Variants in ANO1 observed in about 807,000 individuals in gnomAD.
ANO1 encodes the protein anoctamin 1, also known as anoctamin-1.
ANO1 carries 59 observed loss-of-function variants against 124.0 expected under a neutral mutation model. The ratio of observed to expected loss-of-function variants is 0.48; its 90% CI spans 0.39 to 0.59. ANO1 has a LOEUF of 0.59. ANO1 is among the 20% of genes least tolerant of loss of function. The pLI is 0.00. For synonymous variants in ANO1, 529 were observed against 532.0 expected (o/e 0.99, Z 0.08); for missense variants, 1,059 against 1,328.0 (o/e 0.80, Z 3.15).
intron 1 of ANO1, among the ~76,000 whole-genome samples, chr11:70,030,876 C>T (rs1856988593): frequency 6.6e-6 from 1 of 151,840 alleles, no homozygotes; most frequent in Non-Finnish European, 1.5e-5. Flanking sequence ...AGAGAAACAC[C>T]CCCCGTTTTA....
intron 11 of ANO1, among the ~76,000 whole-genome samples, chr11:70,139,065 G>A (rs76866478): frequency 1.6e-3 from 237 of 152,304 alleles, no homozygotes; most frequent in African/African-American, 5.4e-3. Flanking sequence ...CGTTTAGTCC[G>A]CTTAGGATAA....
chr11:69,978,062 C>G, the ANO1 span, among the ~76,000 whole-genome samples: 1 of 152,074 alleles, frequency 6.6e-6, no homozygotes, highest in African/African-American at 2.4e-5. Context: ...TGTTTTCTTT[C>G]CCTGGGAACT....
chr11:70,161,754 T>C, intron 18 of ANO1, 21 bp downstream of exon 18: 5 of 1,610,260 alleles, frequency 3.1e-6, no homozygotes, highest in Non-Finnish European at 4.2e-6. Flanking sequence ...CTTCAGCCTT[T>C]CCCCAACCTC....
At chr11:70,058,922 G>T (rs191578211) in intron 1 of ANO1, among the ~76,000 whole-genome samples, 1 of 152,004 alleles carries the variant, frequency 6.6e-6, no homozygotes, top group East Asian at 1.9e-4. Context: ...GGTGGCTCAC[G>T]CCTGTAATCC....
At chr11:70,053,754 T>G (rs1316677973) in intron 1 of ANO1, among the ~76,000 whole-genome samples, 1 of 152,230 alleles carries the variant, frequency 6.6e-6, no homozygotes, top group African/African-American at 2.4e-5. Flanking sequence ...TCTGGAAGAT[T>G]GGTGTTATTT....
intron 22 of ANO1, among the ~76,000 whole-genome samples, chr11:70,177,993 G>A (rs1045409355): frequency 6.6e-6 from 1 of 152,240 alleles, no homozygotes; most frequent in Non-Finnish European, 1.5e-5. Context: ...CTGCCTGGAT[G>A]GGGCCTGCCT....
chr11:70,047,096 AAG>A, intron 1 of ANO1, among the ~76,000 whole-genome samples: 1 of 151,456 alleles, frequency 6.6e-6, no homozygotes, highest in East Asian at 1.9e-4. Context: ...AAAAAAAAAA[AAG>A]AAAAAGAAAG....
At chr11:70,156,290 C>A (rs768677267) in intron 15 of ANO1, among the ~76,000 whole-genome samples, 3 of 152,060 alleles carry the variant, frequency 2.0e-5, no homozygotes, top group Non-Finnish European at 4.4e-5. Context: ...TGCCACCCAC[C>A]CCAGAACGAG....
intron 1 of ANO1, among the ~76,000 whole-genome samples, chr11:70,058,520 G>A (rs563500102): frequency 3.9e-5 from 6 of 152,306 alleles, no homozygotes; most frequent in African/African-American, 7.2e-5. Flanking sequence ...GAGAAGCTAC[G>A]GAAGGTTGTG....
intron 1 of ANO1, among the ~76,000 whole-genome samples, chr11:69,995,680 C>T (rs974543206): frequency 7.2e-5 from 11 of 152,122 alleles, no homozygotes; most frequent in Admixed American, 3.3e-4. Flanking sequence ...GGAAGACCAC[C>T]GAGGTAAAGA....
intron 11 of ANO1, among the ~76,000 whole-genome samples, chr11:70,133,814 A>G (rs2046852387): frequency 6.6e-6 from 1 of 152,182 alleles, no homozygotes; most frequent in Non-Finnish European, 1.5e-5. Flanking sequence ...TGTGCACAGC[A>G]GAGCCGAGGT....
chr11:70,047,326 A>G (rs1555005786), intron 1 of ANO1, among the ~76,000 whole-genome samples: 1 of 152,166 alleles, frequency 6.6e-6, no homozygotes, highest in South Asian at 2.1e-4. Flanking sequence ...ATTTTTCTAT[A>G]AACCCAAAAG....
At position 70,002,462 on chromosome 11, in the gene ANO1, A is replaced by AAAAAAAAAAAAC. The variant is rs1491456622; in HGVS notation, c.58+16307_58+16308insCAAAAAAAAAAA. 1.5e-4 allele frequency among the ~76,000 whole-genome samples: 4 copies of AAAAAAAAAAAAC among 25,946 alleles called. 1 individual carries two copies. The highest frequency in any genetic ancestry group is 5.7e-4 in the African/African-American group (4 of 7,070). 17.0% of individuals were successfully genotyped at this position (25,946 alleles called of 152,430 possible). On this transcript the variant is annotated intron_variant, in intron 1 of 27. Coordinates refer to the ANO1 transcript ENST00000531349. ...CTGGGCAACAAAGCGAGACTCCACC[A>AAAAAAAAAAAAC]AAAAAAAAAAAAAAACACCAAAAAA...
intron 1 of ANO1, among the ~76,000 whole-genome samples, chr11:70,062,620 T>C (rs1169194010): frequency 6.6e-6 from 1 of 152,168 alleles, no homozygotes; most frequent in East Asian, 1.9e-4. Flanking sequence ...TCCCCTGGAC[T>C]ACCATGTGCT....
chr11:70,002,707 T>C (rs1480367214), intron 1 of ANO1, among the ~76,000 whole-genome samples: 3 of 152,104 alleles, frequency 2.0e-5, no homozygotes, highest in Admixed American at 2.0e-4. Context: ...ATTTTCTAAT[T>C]CAGTTAGAAG....
intron 1 of ANO1, among the ~76,000 whole-genome samples, chr11:70,086,754 A>G (rs1407099557): frequency 6.6e-6 from 1 of 152,128 alleles, no homozygotes; most frequent in Non-Finnish European, 1.5e-5. Flanking sequence ...AGCAGGACGG[A>G]CCCCAGCTGC....
intron 7 of ANO1, among the ~76,000 whole-genome samples, chr11:70,112,903 T>G (rs945965599): frequency 2.6e-5 from 4 of 152,124 alleles, no homozygotes; most frequent in Admixed American, 6.5e-5. Context: ...TAGACAAACT[T>G]GAGGTGCAGG....
At chr11:70,152,762 A>G (rs1028829114) in intron 13 of ANO1, among the ~76,000 whole-genome samples, 10 of 152,250 alleles carry the variant, frequency 6.6e-5, no homozygotes, top group African/African-American at 2.4e-4. Context: ...GGGCCAGTTC[A>G]TGGCTGGGTG....
chr11:69,971,715 T>A, the ANO1 span, among the ~76,000 whole-genome samples: 1 of 152,086 alleles, frequency 6.6e-6, no homozygotes. Flanking sequence ...ACCCTCACTT[T>A]CAGAGCTCCA....
Sources: allele counts gnomAD v4.1 joint callset (sites outside exome capture counted in the v4.1 genomes callset), GRCh38; gene constraint gnomAD v4.1.1; transcripts MANE v1.5; gene names NCBI Gene and HGNC (gene_info 2026-07-23, HGNC 2026-07-21).